The following MYRFL variants were observed in gnomAD, a reference collection of about 807,000 sequenced individuals.
The protein encoded by MYRFL is myelin regulatory factor-like protein.
A neutral mutation model predicts 109.4 loss-of-function variants in MYRFL; 88 were observed. The ratio of observed to expected loss-of-function variants is 0.80; its 90% CI spans 0.68 to 0.96. MYRFL has a LOEUF of 0.96. MYRFL is among the 40% of genes least tolerant of loss of function. The pLI is 0.00. For synonymous variants in MYRFL, 324 were observed against 320.9 expected (o/e 1.01, Z -0.10); for missense variants, 957 against 954.9 (o/e 1.00, Z -0.03).
chr12:69,856,665 A>G (rs747298104), intron 2 of MYRFL, among the ~76,000 whole-genome samples: 5 of 152,046 alleles, frequency 3.3e-5, no homozygotes, highest in South Asian at 2.1e-4. Context: ...GTTGAACATC[A>G]TTTCATGTAC....
At chr12:69,893,276 T>C (rs1322937805) in intron 7 of MYRFL, among the ~76,000 whole-genome samples, 2 of 152,262 alleles carry the variant, frequency 1.3e-5, no homozygotes, top group Admixed American at 6.5e-5. Context: ...GCTGAATAAA[T>C]GTTAATTCTT....
chr12:69,855,177 T>G (rs765405304), intron 1 of MYRFL, 103 bp from the exon 2 acceptor site: 14 of 566,108 alleles, frequency 2.5e-5, no homozygotes, highest in Non-Finnish European at 3.8e-5. Flanking sequence ...GTGGATACAA[T>G]AAGAAAGACA....
intron 16 of MYRFL, among the ~76,000 whole-genome samples, chr12:69,933,428 A>G (rs74396863): frequency 1.3e-5 from 2 of 152,124 alleles, no homozygotes; most frequent in African/African-American, 4.8e-5. Flanking sequence ...CACTCAAAAA[A>G]TGCTTTGTTT....
chr12:69,862,798 T>C (rs1052867765), intron 2 of MYRFL, among the ~76,000 whole-genome samples: 1 of 152,058 alleles, frequency 6.6e-6, no homozygotes, highest in Non-Finnish European at 1.5e-5. Flanking sequence ...TGAATAGGAG[T>C]GGTGAGAGAG....
chr12:69,839,650 G>A (rs1056567001), intron 1 of MYRFL, among the ~76,000 whole-genome samples: 3 of 152,016 alleles, frequency 2.0e-5, no homozygotes, highest in Non-Finnish European at 1.5e-5. Context: ...TGAAAGATAG[G>A]GATAATAATA....
chr12:69,901,241 A>G (rs1954171392), intron 10 of MYRFL, among the ~76,000 whole-genome samples: 1 of 152,236 alleles, frequency 6.6e-6, no homozygotes, highest in African/African-American at 2.4e-5. Context: ...TCCATCAGCC[A>G]CTATTGGGTC....
chr12:69,859,913 C>T (rs957518959), intron 2 of MYRFL, among the ~76,000 whole-genome samples: 1 of 152,134 alleles, frequency 6.6e-6, no homozygotes, highest in Admixed American at 6.6e-5. Context: ...AATCTAGCCA[C>T]TGCAGCTCTC....
chr12:69,838,888 T>A (rs943036434), intron 1 of MYRFL, among the ~76,000 whole-genome samples: 2 of 152,234 alleles, frequency 1.3e-5, no homozygotes, highest in African/African-American at 2.4e-5. Flanking sequence ...CATGATGCAA[T>A]GAACTAGTCA....
At chr12:69,903,912 C>A in intron 11 of MYRFL, 68 bp downstream of exon 11, 1 of 1,377,338 alleles carries the variant, frequency 7.3e-7, no homozygotes, top group Non-Finnish European at 9.6e-7. Context: ...GTGCTCCTGG[C>A]CTCTGACACA....
chr12:69,920,344 CTGTTT>C (rs761189474), intron 13 of MYRFL, among the ~76,000 whole-genome samples: 4 of 152,034 alleles, frequency 2.6e-5, no homozygotes, highest in South Asian at 2.1e-4. Flanking sequence ...TGTTTTTGTT[CTGTTT>C]TGTTTTGTTT....
chr12:69,936,088 T>TTTG, intron 16 of MYRFL, 25 bp from the exon 17 acceptor site: 2 of 1,350,580 alleles, frequency 1.5e-6, no homozygotes, highest in African/African-American at 3.1e-5. Context: ...GTTTTTTTTT[T>TTTG]TTTTTTTTTT....
intron 13 of MYRFL, among the ~76,000 whole-genome samples, chr12:69,914,045 T>C (rs1278559926): frequency 2.0e-5 from 3 of 152,192 alleles, no homozygotes; most frequent in African/African-American, 7.2e-5. Flanking sequence ...AAGAGTCTTA[T>C]TCTTTTCGAT....
At chr12:69,827,339 C>G (rs1183349416) in intron 1 of MYRFL, among the ~76,000 whole-genome samples, 2 of 151,694 alleles carry the variant, frequency 1.3e-5, no homozygotes, top group African/African-American at 2.4e-5. Context: ...TCATGATGAT[C>G]TTAGTTTTTT....
At chr12:69,938,429 A>C (rs531752113) in intron 19 of MYRFL, among the ~76,000 whole-genome samples, 16 of 152,170 alleles carry the variant, frequency 1.1e-4, no homozygotes, top group Non-Finnish European at 2.4e-4. Flanking sequence ...CCTCTGAACA[A>C]GTTCATTCCT....
intron 11 of MYRFL, among the ~76,000 whole-genome samples, chr12:69,906,540 A>G (rs1419568955): frequency 6.6e-6 from 1 of 151,362 alleles, no homozygotes; most frequent in East Asian, 1.9e-4. Flanking sequence ...GAAAAAAGGT[A>G]GCAAGATATT....
At chr12:69,921,933 C>A (rs1447916380) in intron 13 of MYRFL, among the ~76,000 whole-genome samples, 1 of 152,048 alleles carries the variant, frequency 6.6e-6, no homozygotes, top group Non-Finnish European at 1.5e-5. Context: ...TATTATAATT[C>A]TCCATAGTCT....
intron 19 of MYRFL, among the ~76,000 whole-genome samples, chr12:69,950,047 G>A (rs1463630802): frequency 1.3e-5 from 2 of 152,066 alleles, no homozygotes; most frequent in Admixed American, 1.3e-4. Flanking sequence ...AAAAATATAT[G>A]TCCCACAGAA....
intron 1 of MYRFL, among the ~76,000 whole-genome samples, chr12:69,848,458 TAG>T (rs1883687575): frequency 6.6e-6 from 1 of 150,446 alleles, no homozygotes; most frequent in African/African-American, 2.4e-5. Context: ...ATCAGAATTT[TAG>T]AGTTTCTTCT....
intron 1 of MYRFL, among the ~76,000 whole-genome samples, chr12:69,839,293 C>T (rs1162146280): frequency 6.6e-6 from 1 of 152,056 alleles, no homozygotes; most frequent in Non-Finnish European, 1.5e-5. Flanking sequence ...ATCTCAATTT[C>T]CCCCTCTCTT....
Sources: allele counts gnomAD v4.1 joint callset (sites outside exome capture counted in the v4.1 genomes callset), GRCh38; gene constraint gnomAD v4.1.1; transcripts MANE v1.5; gene names NCBI Gene and HGNC (gene_info 2026-07-23, HGNC 2026-07-21).